Variants in ZNF469 observed in about 807,000 individuals in gnomAD.
The protein encoded by ZNF469 is zinc finger protein 469.
In ZNF469, 1 loss-of-function variant was observed where a neutral mutation model predicts 1.0. The ratio of observed to expected loss-of-function variants is 1.00; its 90% CI spans 0.35 to 4.73. ZNF469 has a LOEUF of 4.73. Among genes scored for constraint, ZNF469 ranks in the 30% most tolerant of loss-of-function variants. The pLI, the probability that ZNF469 is intolerant of heterozygous loss-of-function variation, is 0.16. For synonymous variants in ZNF469, 2,703 were observed against 2,363.4 expected (o/e 1.14, Z -4.17); for missense variants, 6,100 against 5,356.3 (o/e 1.14, Z -4.33).
the ZNF469 span, among the ~76,000 whole-genome samples, chr16:88,272,921 G>A: frequency 6.7e-6 from 1 of 148,628 alleles, no homozygotes; most frequent in Non-Finnish European, 1.5e-5. Flanking sequence ...TGGGTGTGTG[G>A]ATAGACGAGT....
In ZNF469 at chr16:88,413,820, C is replaced by T. The variant is rs377561280; in HGVS notation, c.-191-10987C>T. Among the ~76,000 whole-genome samples, 808 of 152,300 alleles carry T rather than the reference C, an allele frequency of 5.3e-3. 11 individuals carry two copies. The highest frequency in any genetic ancestry group is 0.019 in the African/African-American group (773 of 41,552). The stretch of plus-strand genomic sequence containing the variant: ...GTGCCACAGAGGCCTCTGCAGCCTC[C>T]GCAGCAGTGGGGAGAGCGACCGGGC... On this transcript the variant is annotated intron_variant, in intron 1 of 2. Transcript: ENST00000565624.
At chr16:88,383,404 C>T (rs1437867765) in intron 1 of ZNF469, among the ~76,000 whole-genome samples, 150 bp downstream of exon 1, 1 of 147,924 alleles carries the variant, frequency 6.8e-6, no homozygotes, top group Non-Finnish European at 1.5e-5. Flanking sequence ...GGGCCGGACC[C>T]TCCCAGCGCT....
chr16:88,205,539 G>A, the ZNF469 span, among the ~76,000 whole-genome samples: 4 of 152,186 alleles, frequency 2.6e-5, no homozygotes, highest in Admixed American at 6.5e-5. The surrounding 1 kb of genome is among the most constrained non-coding windows in gnomAD (Gnocchi z 4.2). Flanking sequence ...GAGCTCCAGC[G>A]TGGCAATCCT....
At chr16:88,275,548 G>T in the ZNF469 span, among the ~76,000 whole-genome samples, 1 of 152,160 alleles carries the variant, frequency 6.6e-6, no homozygotes, top group South Asian at 2.1e-4. Context: ...AGTGGCTCGG[G>T]CCCTCACAGC....
chr16:88,311,007 G>T, the ZNF469 span, among the ~76,000 whole-genome samples: 1 of 152,124 alleles, frequency 6.6e-6, no homozygotes, highest in Non-Finnish European at 1.5e-5. Flanking sequence ...ACCACATCCG[G>T]ATCCCACCCA....
At chr16:88,393,248 G>C (rs1279497724) in intron 1 of ZNF469, among the ~76,000 whole-genome samples, 1 of 152,376 alleles carries the variant, frequency 6.6e-6, no homozygotes, top group Non-Finnish European at 1.5e-5. Context: ...TCCGTGCCCG[G>C]CCAAGCGGTC....
chr16:88,345,594 C>T, the ZNF469 span, among the ~76,000 whole-genome samples: 1 of 152,134 alleles, frequency 6.6e-6, no homozygotes, highest in Non-Finnish European at 1.5e-5. Flanking sequence ...GCAGAACCCA[C>T]ACCTGGGCAG....
chr16:88,323,525 C>T, the ZNF469 span, among the ~76,000 whole-genome samples: 1 of 152,170 alleles, frequency 6.6e-6, no homozygotes, highest in Non-Finnish European at 1.5e-5. Flanking sequence ...GGTGAGAGGG[C>T]CCTGGGCATG....
At chr16:88,143,188 A>C in the ZNF469 span, among the ~76,000 whole-genome samples, 1 of 152,216 alleles carries the variant, frequency 6.6e-6, no homozygotes, top group Non-Finnish European at 1.5e-5. Flanking sequence ...GAGCTTCTTC[A>C]GTCATGGCAT....
the ZNF469 span, among the ~76,000 whole-genome samples, chr16:88,320,714 T>A: frequency 1.3e-5 from 2 of 152,116 alleles, no homozygotes; most frequent in Non-Finnish European, 2.9e-5. Context: ...GGTATGTTGG[T>A]CTTGAACTTG....
chr16:88,350,903 C>T, the ZNF469 span, among the ~76,000 whole-genome samples: 2 of 152,252 alleles, frequency 1.3e-5, no homozygotes, highest in Admixed American at 6.5e-5. Context: ...CCAGCCCCGC[C>T]AACACCCTGA....
the ZNF469 span, among the ~76,000 whole-genome samples, chr16:88,285,769 C>T: frequency 1.6e-4 from 24 of 152,230 alleles, no homozygotes; most frequent in Admixed American, 1.4e-3. Flanking sequence ...TGGGAGTGCC[C>T]TCTGGCAGGG....
the ZNF469 span, among the ~76,000 whole-genome samples, chr16:88,129,476 T>G: frequency 6.6e-6 from 1 of 152,250 alleles, no homozygotes; most frequent in Non-Finnish European, 1.5e-5. Flanking sequence ...CATTGATTTA[T>G]GCAAATATCT....
chr16:88,381,312 A>G (rs2092524265), upstream of ZNF469, among the ~76,000 whole-genome samples: 5 of 149,182 alleles, frequency 3.4e-5, no homozygotes, highest in South Asian at 1.1e-3. Flanking sequence ...GCACTCATGC[A>G]CTCACACACA....
At chr16:88,116,955 GCACACACA>G in the ZNF469 span, among the ~76,000 whole-genome samples, 76,543 of 151,208 alleles carry the variant, frequency 0.51, 20,193 homozygotes, top group Middle Eastern at 0.6. Flanking sequence ...GTGCATGCGT[GCACACACA>G]CACACACACA....
the ZNF469 span, among the ~76,000 whole-genome samples, chr16:88,228,855 G>C: frequency 6.6e-6 from 1 of 152,306 alleles, no homozygotes; most frequent in South Asian, 2.1e-4. Flanking sequence ...ACACACACCA[G>C]TTTGGCCATG....
the ZNF469 span, among the ~76,000 whole-genome samples, chr16:88,135,737 A>C: frequency 8.6e-6 from 1 of 116,602 alleles, no homozygotes; most frequent in Admixed American, 9.7e-5. Context: ...TCTCACTGTG[A>C]AGCTGGCCAT....
intron 1 of ZNF469, among the ~76,000 whole-genome samples, chr16:88,383,679 G>A (rs2092531010): frequency 6.6e-6 from 1 of 151,202 alleles, no homozygotes; most frequent in South Asian, 2.1e-4. Context: ...TCGGAGCCGG[G>A]GGTGCCCCAG....
At chr16:88,292,518 T>G in the ZNF469 span, among the ~76,000 whole-genome samples, 1 of 152,152 alleles carries the variant, frequency 6.6e-6, no homozygotes, top group African/African-American at 2.4e-5. Flanking sequence ...CTGGAAAGCA[T>G]TGTGGTGACA....
Sources: allele counts gnomAD v4.1 joint callset (sites outside exome capture counted in the v4.1 genomes callset), GRCh38; gene constraint gnomAD v4.1.1; non-coding constraint Gnocchi (gnomAD v3.1); transcripts MANE v1.5; gene names NCBI Gene and HGNC (gene_info 2026-07-23, HGNC 2026-07-21).